MDGA2: variants seen among roughly 807,000 people sequenced by gnomAD.
MDGA2 encodes MAM domain-containing glycosylphosphatidylinositol anchor protein 2.
MDGA2 carries 40 observed loss-of-function variants against 117.8 expected under a neutral mutation model. The ratio of observed to expected loss-of-function variants is 0.34; its 90% confidence interval spans 0.26 to 0.44. The LOEUF is 0.44. Ranked by LOEUF, MDGA2 falls within the 20% of genes least tolerant of loss-of-function variation. The pLI is 1.00. For missense variants in MDGA2, 1,123 were observed against 1,250.6 expected, an observed-to-expected ratio of 0.90 and a Z score of 1.54; for synonymous variants, 452 against 439.0, an observed-to-expected ratio of 1.03 and a Z score of -0.37.
At chr14:46,946,185 G>A (rs1383528685) in intron 9 of MDGA2, among the ~76,000 whole-genome samples, 1 of 151,928 alleles carries the variant, frequency 6.6e-6, no homozygotes, top group Admixed American at 6.6e-5. Flanking sequence ...TCTTCCTATA[G>A]CTTCACTCAT....
intron 3 of MDGA2, among the ~76,000 whole-genome samples, chr14:47,173,783 A>G (rs865783986): frequency 2.0e-4 from 30 of 152,202 alleles, no homozygotes; most frequent in African/African-American, 6.5e-4. Flanking sequence ...TGACAGGATC[A>G]AATTCACACA....
chr14:46,967,742 C>T (rs1417239633), intron 8 of MDGA2, among the ~76,000 whole-genome samples: 1 of 152,096 alleles, frequency 6.6e-6, no homozygotes, highest in Non-Finnish European at 1.5e-5. Context: ...TAGTACTGAA[C>T]ACTATATTTA....
At chr14:47,221,416 C>T (rs574326492) in intron 2 of MDGA2, among the ~76,000 whole-genome samples, 42 of 152,288 alleles carry the variant, frequency 2.8e-4, no homozygotes, top group Non-Finnish European at 4.3e-4. Context: ...GGGCCGGGCA[C>T]GGTGGCTCAC....
chr14:47,653,070 T>C (rs889558073), intron 1 of MDGA2, among the ~76,000 whole-genome samples: 1 of 147,376 alleles, frequency 6.8e-6, no homozygotes, highest in Non-Finnish European at 1.5e-5. Flanking sequence ...ATATGAGTGC[T>C]ATCCCAGTAG....
chr14:47,464,638 C>A (rs1196566919), intron 1 of MDGA2, among the ~76,000 whole-genome samples: 1 of 152,060 alleles, frequency 6.6e-6, no homozygotes, highest in Non-Finnish European at 1.5e-5. Flanking sequence ...GGTGAAAGAT[C>A]TCCACAATGA....
chr14:47,344,930 A>G (rs1890732598), intron 1 of MDGA2, among the ~76,000 whole-genome samples: 1 of 151,980 alleles, frequency 6.6e-6, no homozygotes, highest in African/African-American at 2.4e-5. Flanking sequence ...GGTAATCATT[A>G]TTTAATAACA....
At chr14:47,136,245 C>G (rs899331025) in intron 4 of MDGA2, among the ~76,000 whole-genome samples, 3 of 147,662 alleles carry the variant, frequency 2.0e-5, no homozygotes, top group African/African-American at 7.6e-5. Context: ...GTCACCCAGG[C>G]TGGAGTGCAG....
chr14:47,500,494 G>A (rs1436457163), intron 1 of MDGA2, among the ~76,000 whole-genome samples: 1 of 151,950 alleles, frequency 6.6e-6, no homozygotes. Context: ...CCAAGTTTGT[G>A]GTATCCAAAT....
At position 46,961,057 on chromosome 14, in the gene MDGA2, C is replaced by G. The variant is rs371889659; in HGVS notation, c.1820-3414G>C. 2.0e-4 allele frequency among the ~76,000 whole-genome samples: 31 copies of G among 152,006 alleles called. 1 individual carries two copies. Among genetic ancestry groups the G allele is most frequent in the African/African-American group, 7.2e-4 (30 of 41,488 alleles). ...ATATAATTCCACTGTCTTCAGATGG[C>G]CATTGTTGGTGTAAAGAGGTCAACT... On this transcript the variant is annotated intron_variant, in intron 8 of 16. Coordinates refer to ENST00000399232, the MANE Select transcript of MDGA2 (RefSeq NM_001113498.3).
intron 4 of MDGA2, among the ~76,000 whole-genome samples, chr14:47,134,963 T>C (rs146085152): frequency 1.3e-5 from 2 of 152,032 alleles, no homozygotes; most frequent in Non-Finnish European, 2.9e-5. Flanking sequence ...GTCTCTTTAC[T>C]CACATAGAGT....
At chr14:46,981,172 G>GGGC (rs1555340287) in intron 8 of MDGA2, among the ~76,000 whole-genome samples, 27 of 17,680 alleles carry the variant, frequency 1.5e-3, no homozygotes, top group Non-Finnish European at 2.8e-3. Context: ...GGGAGGCCAA[G>GGGC]GGGGGGGCGG....
chr14:47,173,545 C>A (rs375441738), intron 3 of MDGA2, among the ~76,000 whole-genome samples: 24 of 152,152 alleles, frequency 1.6e-4, no homozygotes, highest in Non-Finnish European at 2.6e-4. Context: ...TATCCAGCCA[C>A]ACTAAGCTTC....
intron 1 of MDGA2, among the ~76,000 whole-genome samples, chr14:47,609,434 T>TATATATATAC (rs1388832967): frequency 1.1e-4 from 8 of 71,312 alleles, no homozygotes; most frequent in East Asian, 4.5e-4. Flanking sequence ...CCATCATATA[T>TATATATATAC]ATATATATAT....
At chr14:46,942,500 C>T (rs1217024526) in intron 9 of MDGA2, among the ~76,000 whole-genome samples, 1 of 151,974 alleles carries the variant, frequency 6.6e-6, no homozygotes, top group Non-Finnish European at 1.5e-5. Flanking sequence ...TAATCACCAC[C>T]ATAATCAAGA....
chr14:47,159,926 A>G (rs1883561148), intron 3 of MDGA2, among the ~76,000 whole-genome samples: 1 of 152,228 alleles, frequency 6.6e-6, no homozygotes, highest in Admixed American at 6.5e-5. Flanking sequence ...TTTATATAGT[A>G]AGATATGACT....
intron 1 of MDGA2, among the ~76,000 whole-genome samples, chr14:47,543,567 C>T (rs577193722): frequency 1.3e-5 from 2 of 152,292 alleles, no homozygotes; most frequent in Admixed American, 6.5e-5. Flanking sequence ...ATGACACCAT[C>T]AATTTTCTAG....
intron 3 of MDGA2, among the ~76,000 whole-genome samples, chr14:47,165,771 A>T (rs1196444824): frequency 6.6e-6 from 1 of 152,240 alleles, no homozygotes; most frequent in Non-Finnish European, 1.5e-5. Context: ...ATATTTTCAG[A>T]ACAAATTAGT....
chr14:47,159,399 T>G (rs1047338024), intron 3 of MDGA2, among the ~76,000 whole-genome samples: 1 of 152,182 alleles, frequency 6.6e-6, no homozygotes, highest in Admixed American at 6.5e-5. Context: ...CCCACCCTTT[T>G]AAAAATAGTT....
chr14:47,381,082 G>C (rs994457964), intron 1 of MDGA2, among the ~76,000 whole-genome samples: 1 of 152,062 alleles, frequency 6.6e-6, no homozygotes, highest in Admixed American at 6.6e-5. Flanking sequence ...ATGTAATCCA[G>C]CATATAAACA....
Sources: gnomAD v4.1 joint callset for allele counts (sites outside exome capture counted in the v4.1 genomes callset) on GRCh38, gnomAD v4.1.1 for gene constraint, MANE v1.5 for transcripts, NCBI Gene and HGNC (gene_info 2026-07-23, HGNC 2026-07-21) for gene names.